Variants in CFD observed in about 807,000 individuals in gnomAD.
The protein encoded by CFD is C3 convertase activator.
In CFD, 24 loss-of-function variants were observed where a neutral mutation model predicts 21.1. The ratio of observed to expected loss-of-function variants is 1.14; its 90% confidence interval spans 0.82 to 1.60. The LOEUF is 1.60. Among genes scored for constraint, CFD ranks in the 40% most tolerant of loss-of-function variants. The pLI, the probability that CFD is intolerant of heterozygous loss-of-function variation, is 0.00. For synonymous variants in CFD, 242 were observed against 175.9 expected (o/e 1.38, Z -2.97); for missense variants, 535 against 383.3 (o/e 1.40, Z -3.31).
chr19:859,676 A>G lies in CFD; in HGVS notation c.-14A>G. 2 of 1,559,874 alleles carry G rather than the reference A, an allele frequency of 1.3e-6. No homozygotes were observed. Among genetic ancestry groups the G allele is most frequent in the Non-Finnish European group, 1.7e-6 (2 of 1,152,382 alleles). On this transcript the variant is annotated 5_prime_UTR_variant, in exon 1 of 5. Transcript: ENST00000327726. ...CCCTGCCTGGGTCAGTGTCTCAGCC[A>G]CAGCGGCTTCACCATGCACAGCTGG...
At position 860,605 on chromosome 19, in the gene CFD, G is replaced by T. The variant is rs929502340; in HGVS notation, c.56-12G>T. On this transcript the variant is annotated splice_polypyrimidine_tract_variant and intron_variant, in intron 1 of 4. Transcript: ENST00000327726. ...TCCACCCCGCGGCCCTCACGCGCCC[G>T]CCCACCCACAGCGGCGCCGCCCCGT... is the stretch of plus-strand genomic sequence containing the variant. 13 of 1,428,276 alleles carry T rather than the reference G, an allele frequency of 9.1e-6. No homozygotes were observed. The African/African-American group carries it at 2.0e-4, about 21-fold the overall frequency. 88.5% of individuals were successfully genotyped at this position (1,428,276 alleles called of 1,614,324 possible). A position where few individuals can be genotyped will look rare whatever the true frequency, so the allele number is the denominator to read the frequency against.
At position 863,103 on chromosome 19, in the gene CFD, G is replaced by A; in HGVS notation, c.627G>A (p.Gly209=). 6.6e-7 allele frequency: 1 copy of A among 1,525,288 alleles called. No homozygotes were observed. The allele number at this position is 1,525,288 out of a possible 1,614,324, so 94.5% of individuals were successfully genotyped here. ...TCCTGTTCCGGCAGGGTGACTCCGG[G>A]GGCCCGCTGGTGTGCGGGGGCGTGC... ...NRRDSCKGDS[G]GPLVCGGVLE... Residue 209 remains glycine (G), a synonymous_variant, in exon 5 of 5, where the codon GGG becomes GGA. Coordinates refer to ENST00000327726, the MANE Select transcript of CFD (RefSeq NM_001928.4).
chr19:862,072 G>T, intron 4 of CFD, 116 bp downstream of exon 4: 20 of 1,090,656 alleles, frequency 1.8e-5, no homozygotes, highest in Non-Finnish European at 2.1e-5. Context: ...GGCGGGGCGC[G>T]TAGGGGGCGG....
In CFD at chr19:863,228, T is replaced by A; in HGVS notation, c.752T>A (p.Val251Asp). Reference protein sequence around the residue: ...VASYAAWIDSVLA With the variant: ...VASYAAWIDSDLA ...AGCTATGCGGCCTGGATCGACAGCG[T>A]CCTGGCCTAGGGTGCCGGGGCCTGA... The change falls in exon 5 of 5, where the codon GTC becomes GAC. Residue 251 changes from valine (V) to aspartate (D), a missense_variant. Coordinates refer to ENST00000327726, the MANE Select transcript of CFD (RefSeq NM_001928.4). 1 of 1,546,436 alleles carries A rather than the reference T, an allele frequency of 6.5e-7. No individual in the cohort carries two copies.
intron 1 of CFD, 63 bp downstream of exon 1, chr19:859,807 T>A: frequency 7.5e-7 from 1 of 1,325,938 alleles, no homozygotes; most frequent in Non-Finnish European, 1.1e-6. Flanking sequence ...CTCCCTTCCG[T>A]CACACGGACG....
rs1212788363 is a variant in CFD, at chr19:863,639, T to A, written c.*401T>A. 5.0e-6 allele frequency: 1 copy of A among 201,378 alleles called. No individual in the cohort carries two copies. Among genetic ancestry groups the A allele is most frequent in the Admixed American group, 5.5e-5 (1 of 18,300 alleles). 12.5% of individuals were successfully genotyped at this position (201,378 alleles called of 1,614,324 possible). On this transcript the variant is annotated 3_prime_UTR_variant, in exon 5 of 5. Coordinates refer to ENST00000327726, the MANE Select transcript of CFD (RefSeq NM_001928.4). ...AAAAAAAAAAATTCTGCGTGGTGGC[T>A]CACGCCTGTAATCCCAGCACTTTGG...
chr19:860,841 G>A lies in CFD; in HGVS notation c.213-20G>A. 6.4e-7 allele frequency: 1 copy of A among 1,559,994 alleles called. No individual in the cohort carries two copies. Among genetic ancestry groups the A allele is most frequent in the Non-Finnish European group, 8.6e-7 (1 of 1,159,490 alleles). On this transcript the variant is annotated intron_variant, in intron 2 of 4. Transcript: ENST00000327726. ...GGGGGAGTCGGCTGGCACCGACCGC[G>A]GACTCCGTCCGGTCCCCAGGGCCGA... is the stretch of plus-strand genomic sequence containing the variant.
chr19:861,580 T>G, intron 3 of CFD, 119 bp from the exon 4 acceptor site: 3 of 1,127,048 alleles, frequency 2.7e-6, no homozygotes, highest in Non-Finnish European at 3.7e-6. Flanking sequence ...CCTGCTGCAC[T>G]GAGACCCACG....
chr19:860,847 C>G lies in CFD; in HGVS notation c.213-14C>G, dbSNP rs755280733. The G allele has an allele frequency of 1.3e-6, 2 of 1,562,376 alleles. No homozygotes were observed. The highest frequency in any genetic ancestry group is 2.4e-5 in the East Asian group (1 of 42,230). ...GTCGGCTGGCACCGACCGCGGACTC[C>G]GTCCGGTCCCCAGGGCCGACGGGAA... On this transcript the variant is annotated splice_polypyrimidine_tract_variant and intron_variant, in intron 2 of 4. Transcript: ENST00000327726.
In CFD at chr19:861,835, G is replaced by A. The variant is rs779523888; in HGVS notation, c.494G>A (p.Ser165Asn). The change falls in exon 4 of 5, where the codon AGC becomes AAC. Residue 165 changes from serine (S) to asparagine (N), a missense_variant. Transcript: ENST00000327726. ...AACCACGCGGGCCGCCGCCCGGACA[G>A]CCTGCAGCACGTGCTCTTGCCAGTG... is the stretch of plus-strand genomic sequence containing the variant. ...IVNHAGRRPD[S>N]LQHVLLPVLD... is the part of the protein sequence containing the mutation. 33 of 1,600,832 alleles carry A rather than the reference G, an allele frequency of 2.1e-5. No individual in the cohort carries two copies. The highest frequency in any genetic ancestry group is 2.5e-5 in the Non-Finnish European group (30 of 1,178,734).
rs1038114018 is a variant in CFD at position 861,824 on chromosome 19, C to T, written c.483C>T (p.Arg161=). 3.1e-6 allele frequency: 5 copies of T among 1,601,988 alleles called. No individual in the cohort carries two copies. Among genetic ancestry groups the T allele is most frequent in the African/African-American group, 1.3e-5 (1 of 74,878 alleles). The stretch of plus-strand genomic sequence containing the variant: ...GGGGCATAGTCAACCACGCGGGCCG[C>T]CGCCCGGACAGCCTGCAGCACGTGC... ...AGWGIVNHAG[R]RPDSLQHVLL... is the part of the protein sequence containing the mutation. The change falls in exon 4 of 5, where the codon CGC becomes CGT. Residue 161 remains arginine (R), a synonymous_variant. Transcript: ENST00000327726.
At chr19:860,353 G>A (rs938195765) in intron 1 of CFD, among the ~76,000 whole-genome samples, 1 of 151,582 alleles carries the variant, frequency 6.6e-6, no homozygotes, top group African/African-American at 2.4e-5. Flanking sequence ...ACTAAATTTT[G>A]TATTTTTTTT....
intron 3 of CFD, 105 bp from the exon 4 acceptor site, chr19:861,594 C>A: frequency 7.1e-7 from 1 of 1,411,520 alleles, no homozygotes; most frequent in Non-Finnish European, 9.6e-7. Context: ...ACCCACGCCC[C>A]TGCCCTGATG....
In CFD at chr19:860,621, G is replaced by A. The variant is rs745876302; in HGVS notation, c.60G>A (p.Ala20=). Residue 20 remains alanine, a synonymous_variant, in exon 2 of 5, where the codon GCG becomes GCA. Coordinates refer to ENST00000327726, the MANE Select transcript of CFD (RefSeq NM_001928.4). ...LVLLGAAACA[A]PPRGRILGGR... Reference sequence around the variant, plus strand: ...CACGCGCCCGCCCACCCACAGCGGCGCCGCCCCGTGGTCGGATCCTGGGCG... The same window carrying A: ...CACGCGCCCGCCCACCCACAGCGGCACCGCCCCGTGGTCGGATCCTGGGCG... 68 of 1,449,274 alleles carry A rather than the reference G, an allele frequency of 4.7e-5. No individual in the cohort carries two copies. Among genetic ancestry groups the A allele is most frequent in the Non-Finnish European group, 5.2e-5 (58 of 1,108,798 alleles). 89.8% of individuals were successfully genotyped at this position (1,449,274 alleles called of 1,614,324 possible). A position where few individuals can be genotyped will look rare whatever the true frequency, so the allele number is the denominator to read the frequency against.
rs181369145 is a variant in CFD, at chr19:863,054, C to T, written c.616-38C>T. On this transcript the variant is annotated intron_variant, in intron 4 of 4. Coordinates refer to ENST00000327726, the MANE Select transcript of CFD (RefSeq NM_001928.4). The stretch of plus-strand genomic sequence containing the variant: ...GTCTAACACGTGAGGCCGGGGTGGG[C>T]GCGGGCCGCCCCTCACGGCCCCGTC... 286 of 1,482,782 alleles carry T rather than the reference C, an allele frequency of 1.9e-4. 2 individuals are homozygous for T. The East Asian group carries it at 6.8e-3, about 35-fold the overall frequency. 91.9% of individuals were successfully genotyped at this position (1,482,782 alleles called of 1,614,324 possible).
chr19:862,235 C>A (rs1324012757), intron 4 of CFD, among the ~76,000 whole-genome samples: 1 of 83,828 alleles, frequency 1.2e-5, no homozygotes, highest in East Asian at 3.1e-4. Flanking sequence ...TCAGGGCGGG[C>A]AGAAAGGGCA....
chr19:859,773 A>C (rs1161596036), intron 1 of CFD, 29 bp downstream of exon 1: 2 of 1,537,494 alleles, frequency 1.3e-6, no homozygotes, highest in Non-Finnish European at 1.8e-6. Context: ...GGGGTGAGGG[A>C]CAGGGCTGTG....
At position 861,808 on chromosome 19, in the gene CFD, T is replaced by A; in HGVS notation, c.467T>A (p.Val156Asp). 6.2e-7 allele frequency: 1 copy of A among 1,603,700 alleles called. No homozygotes were observed. The change falls in exon 4 of 5, where the codon GTC becomes GAC. Residue 156 changes from valine (V) to aspartate (D), a missense_variant. Physicochemically the swap from Val to Asp is radical, Grantham distance 152. Coordinates refer to ENST00000327726, the MANE Select transcript of CFD (RefSeq NM_001928.4). The part of the protein sequence containing the change: ...TLCDVAGWGI[V>D]NHAGRRPDSL... ...TGCGACGTGGCCGGCTGGGGCATAG[T>A]CAACCACGCGGGCCGCCGCCCGGAC...
At chr19:861,448 A>AC (rs1292823813) in intron 3 of CFD, among the ~76,000 whole-genome samples, 3 of 34,484 alleles carry the variant, frequency 8.7e-5, no homozygotes, top group East Asian at 9.6e-4. Context: ...GGAGCCCCCC[A>AC]CCCCCCGCTC....
Sources: gnomAD v4.1 joint callset for allele counts (sites outside exome capture counted in the v4.1 genomes callset) on GRCh38, gnomAD v4.1.1 for gene constraint, MANE v1.5 for transcripts, NCBI Gene and HGNC (gene_info 2026-07-23, HGNC 2026-07-21) for gene names.